TP63: variants seen among roughly 807,000 people sequenced by gnomAD.
The protein encoded by TP63 is tumor protein 63.
TP63 carries 17 observed loss-of-function variants against 82.8 expected under a neutral mutation model. The ratio of observed to expected loss-of-function variants is 0.21; its 90% CI spans 0.14 to 0.31. TP63 has a LOEUF of 0.31. TP63 is among the 10% of genes least tolerant of loss of function. The probability of loss-of-function intolerance (pLI) is 1.00; values close to 1 mark genes in which losing one functional copy is unlikely to be tolerated. For synonymous variants in TP63, 330 were observed against 321.7 expected (o/e 1.03, Z -0.28); for missense variants, 648 against 895.3 (o/e 0.72, Z 3.52).
chr3:189,827,201 C>T (rs140299472), intron 4 of TP63, among the ~76,000 whole-genome samples: 173 of 152,308 alleles, frequency 1.1e-3, no homozygotes, highest in African/African-American at 3.7e-3. Context: ...AACTGATAAA[C>T]CTAGTTGTAA....
chr3:189,615,211 A>G, the TP63 span, among the ~76,000 whole-genome samples: 2 of 151,862 alleles, frequency 1.3e-5, no homozygotes, highest in African/African-American at 4.8e-5. Flanking sequence ...TCTCCCTCTC[A>G]CTCACTCTAG....
At chr3:189,694,632 A>C (rs1231515117) in intron 1 of TP63, among the ~76,000 whole-genome samples, 1 of 151,830 alleles carries the variant, frequency 6.6e-6, no homozygotes, top group African/African-American at 2.4e-5. Flanking sequence ...TCAACACATT[A>C]TATTAAGGGT....
At chr3:189,854,375 C>T (rs1401893771) in intron 4 of TP63, among the ~76,000 whole-genome samples, 1 of 152,100 alleles carries the variant, frequency 6.6e-6, no homozygotes, top group Non-Finnish European at 1.5e-5. Context: ...GGATTACAGA[C>T]ATGTGCCACC....
At chr3:189,772,875 T>TG (rs1201600774) in intron 3 of TP63, among the ~76,000 whole-genome samples, 8 of 152,036 alleles carry the variant, frequency 5.3e-5, no homozygotes, top group Non-Finnish European at 1.5e-5. Flanking sequence ...AGCAGATAAG[T>TG]GGGGTAATAA....
At chr3:189,816,818 G>A (rs1168707520) in intron 4 of TP63, among the ~76,000 whole-genome samples, 1 of 152,090 alleles carries the variant, frequency 6.6e-6, no homozygotes, top group Non-Finnish European at 1.5e-5. Context: ...TTTCTCTCTT[G>A]TGGTTTTTAG....
At chr3:189,849,806 T>C (rs6779454) in intron 4 of TP63, among the ~76,000 whole-genome samples, 13,565 of 152,126 alleles carry the variant, frequency 0.089, 2,023 homozygotes, top group African/African-American at 0.31. Flanking sequence ...GCTTCACCTC[T>C]TTAAGTCTCA....
rs559558754 is a variant in TP63, at chr3:189,850,055, G to T, written c.580-14177G>T. On this transcript the variant is annotated intron_variant, in intron 4 of 13. Coordinates refer to ENST00000264731, the MANE Select transcript of TP63 (RefSeq NM_003722.5). ...AGTACTTTGACAGGCTGAGGTGGGT[G>T]GATCACACTTGAGGTCAGGAGTTTG... Among the ~76,000 whole-genome samples, 4 of 152,256 alleles carry T rather than the reference G, an allele frequency of 2.6e-5. No individual in the cohort carries two copies. In the South Asian group the frequency reaches 8.3e-4, roughly 32 times the overall value.
intron 3 of TP63, among the ~76,000 whole-genome samples, chr3:189,777,845 CTTTTTTTTTTTT>C (rs55731981): frequency 7.9e-5 from 3 of 37,770 alleles, no homozygotes; most frequent in African/African-American, 1.2e-4. Context: ...TCTTCTTCTT[CTTTTTTTTTTTT>C]TTTTTTTTTT....
intron 1 of TP63, among the ~76,000 whole-genome samples, chr3:189,661,558 C>T (rs1030703026): frequency 4.6e-5 from 7 of 151,832 alleles, no homozygotes; most frequent in African/African-American, 1.7e-4. Flanking sequence ...CCTTTGCGAG[C>T]TTTTGGTATC....
intron 1 of TP63, among the ~76,000 whole-genome samples, chr3:189,691,640 T>A (rs1716940284): frequency 6.6e-6 from 1 of 152,186 alleles, no homozygotes; most frequent in Non-Finnish European, 1.5e-5. Context: ...CTTTAAATAA[T>A]CAGTTTTCCT....
At chr3:189,744,391 T>C (rs1721218071) in intron 3 of TP63, among the ~76,000 whole-genome samples, 1 of 152,034 alleles carries the variant, frequency 6.6e-6, no homozygotes, top group Admixed American at 6.5e-5. Context: ...CTGCTTCTGC[T>C]TACCACAACC....
intron 1 of TP63, among the ~76,000 whole-genome samples, chr3:189,692,385 C>T (rs1717003625): frequency 6.7e-6 from 1 of 149,934 alleles, no homozygotes; most frequent in African/African-American, 2.5e-5. Flanking sequence ...TTTTTATTTC[C>T]ATCTCGTCTT....
intron 1 of TP63, among the ~76,000 whole-genome samples, chr3:189,648,741 C>T (rs1173466204): frequency 1.4e-5 from 2 of 147,158 alleles, no homozygotes; most frequent in African/African-American, 5.1e-5. Flanking sequence ...TAAATCTTAC[C>T]ATTATCCTGT....
chr3:189,615,881 A>G, the TP63 span, among the ~76,000 whole-genome samples: 2,334 of 152,280 alleles, frequency 0.015, 75 homozygotes, highest in Admixed American at 0.084. Flanking sequence ...TTGGCCTTCA[A>G]CCACTTACCA....
intron 3 of TP63, among the ~76,000 whole-genome samples, chr3:189,780,669 A>T (rs975572303): frequency 2.6e-5 from 4 of 152,180 alleles, no homozygotes; most frequent in Non-Finnish European, 4.4e-5. Flanking sequence ...TTGTTTTCAG[A>T]GACAGGTGCT....
At chr3:189,692,088 C>T (rs879729816) in intron 1 of TP63, among the ~76,000 whole-genome samples, 1 of 152,138 alleles carries the variant, frequency 6.6e-6, no homozygotes, top group Non-Finnish European at 1.5e-5. Flanking sequence ...TTCTAGCACT[C>T]TCTATTATTT....
At chr3:189,883,039 G>C (rs1417667435) in intron 10 of TP63, among the ~76,000 whole-genome samples, 1 of 152,002 alleles carries the variant, frequency 6.6e-6, no homozygotes, top group African/African-American at 2.4e-5. Context: ...TACTTTTTTG[G>C]GTTTTGGATA....
chr3:189,846,382 G>A (rs1479999347), intron 4 of TP63, among the ~76,000 whole-genome samples: 3 of 152,094 alleles, frequency 2.0e-5, no homozygotes, highest in African/African-American at 4.8e-5. Context: ...TCTTTTCCAT[G>A]TCATTGTTGA....
At chr3:189,846,776 T>C (rs1714941844) in intron 4 of TP63, among the ~76,000 whole-genome samples, 1 of 142,512 alleles carries the variant, frequency 7.0e-6, no homozygotes, top group East Asian at 2.2e-4. Flanking sequence ...AACCTCTGCC[T>C]CCTGGGTTCA....
Sources: allele counts gnomAD v4.1 joint callset (sites outside exome capture counted in the v4.1 genomes callset), GRCh38; gene constraint gnomAD v4.1.1; transcripts MANE v1.5; gene names NCBI Gene and HGNC (gene_info 2026-07-23, HGNC 2026-07-21).